TCF7L2: variants seen among roughly 807,000 people sequenced by gnomAD.
TCF7L2 encodes transcription factor 7 like 2.
TCF7L2 carries 23 observed loss-of-function variants against 77.9 expected under a neutral mutation model. That is an observed-to-expected ratio of 0.30 (90% CI 0.21 to 0.42). The LOEUF (loss-of-function observed/expected upper bound fraction) is 0.42, where lower values mean the gene tolerates loss of function less well. TCF7L2 is among the 10% of genes least tolerant of loss of function. The pLI, the probability that TCF7L2 is intolerant of heterozygous loss-of-function variation, is 1.00. For missense variants in TCF7L2, 654 were observed against 793.1 expected, an observed-to-expected ratio of 0.82 and a Z score of 2.11; for synonymous variants, 413 against 340.2, an observed-to-expected ratio of 1.21 and a Z score of -2.36.
intron 4 of TCF7L2, among the ~76,000 whole-genome samples, chr10:112,972,958 A>T (rs2038602441): frequency 6.6e-6 from 1 of 152,198 alleles, no homozygotes; most frequent in African/African-American, 2.4e-5. Context: ...ACATAGGCTT[A>T]TGGTAACTAT....
intron 5 of TCF7L2, among the ~76,000 whole-genome samples, chr10:113,098,661 G>A (rs779482843): frequency 1.6e-4 from 25 of 151,914 alleles, no homozygotes; most frequent in African/African-American, 5.1e-4. Context: ...AGCTGAGATC[G>A]CGCCACTGCA....
rs142991406 is a variant in TCF7L2, at chr10:113,031,052, A to G, written c.451-8973A>G. 3.0e-3 allele frequency among the ~76,000 whole-genome samples: 455 copies of G among 152,296 alleles called. 5 individuals are homozygous for G. The highest frequency in any genetic ancestry group is 0.017 in the Middle Eastern group (5 of 294). Reference sequence around the variant, plus strand: ...GGCACCCATTGGCCATTCTGCCCGTAAGCTCAGTAGGGTGTAGGCAAAAGA... The same window carrying G: ...GGCACCCATTGGCCATTCTGCCCGTGAGCTCAGTAGGGTGTAGGCAAAAGA... On this transcript the variant is annotated intron_variant, in intron 4 of 13. Coordinates refer to ENST00000627217, the MANE Select transcript of TCF7L2 (RefSeq NM_001146274.2).
At chr10:112,964,751 GTGGTGGTGA>G (rs1328189389) in intron 4 of TCF7L2, 127 bp downstream of exon 4, 18 of 873,108 alleles carry the variant, frequency 2.1e-5, no homozygotes, top group African/African-American at 5.7e-5. Context: ...GGTGGTGGTG[GTGGTGGTGA>G]TGGTGGTGGT....
intron 7 of TCF7L2, among the ~76,000 whole-genome samples, 200 bp downstream of exon 7, chr10:113,144,225 G>A (rs188695269): frequency 1.3e-5 from 2 of 151,836 alleles, no homozygotes; most frequent in East Asian, 3.9e-4. Context: ...GGGAATACAG[G>A]CAAATCCACA....
At chr10:113,131,775 T>C (rs1262783107) in intron 5 of TCF7L2, among the ~76,000 whole-genome samples, 1 of 152,218 alleles carries the variant, frequency 6.6e-6, no homozygotes, top group Non-Finnish European at 1.5e-5. Context: ...CTGGCTGAGC[T>C]GTGTAATAGA....
intron 4 of TCF7L2, among the ~76,000 whole-genome samples, chr10:112,975,287 A>T (rs2039179880): frequency 6.6e-6 from 1 of 152,132 alleles, no homozygotes; most frequent in Non-Finnish European, 1.5e-5. Flanking sequence ...TGGTTATACC[A>T]CATTCCACCC....
chr10:113,166,094 C>T lies in TCF7L2; in HGVS notation c.*122C>T. ...CTCTTAATTTTGTGCCATGTGGCTA[C>T]ATTAGTTGATGTTTATCGAGTTCAT... On this transcript the variant is annotated 3_prime_UTR_variant, in exon 14 of 14. Transcript: ENST00000627217. 1.1e-6 allele frequency: 1 copy of T among 870,954 alleles called. No individual in the cohort carries two copies. The highest frequency in any genetic ancestry group is 1.8e-5 in the African/African-American group (1 of 55,972). 54.0% of individuals were successfully genotyped at this position (870,954 alleles called of 1,614,324 possible). A position where few individuals can be genotyped will look rare whatever the true frequency, so the allele number is the denominator to read the frequency against.
At chr10:113,097,005 C>T (rs917128676) in intron 5 of TCF7L2, among the ~76,000 whole-genome samples, 1 of 152,064 alleles carries the variant, frequency 6.6e-6, no homozygotes, top group Non-Finnish European at 1.5e-5. Context: ...GCCTGAGCCC[C>T]GCGTCACCAT....
chr10:113,080,557 G>T lies in TCF7L2; in HGVS notation c.552+40431G>T, dbSNP rs1460273192. 3.3e-5 allele frequency among the ~76,000 whole-genome samples: 5 copies of T among 152,172 alleles called. No individual in the cohort carries two copies. The East Asian group carries it at 9.6e-4, about 29-fold the overall frequency. On this transcript the variant is annotated intron_variant, in intron 5 of 13. Coordinates refer to ENST00000627217, the MANE Select transcript of TCF7L2 (RefSeq NM_001146274.2). ...AACAAGGTGGTGTCAAGTTGATCCT[G>T]CCTGTGGGAATGCATTGTTCTTGAA...
intron 5 of TCF7L2, among the ~76,000 whole-genome samples, chr10:113,090,819 A>G (rs1233007146): frequency 6.6e-6 from 1 of 152,140 alleles, no homozygotes; most frequent in Non-Finnish European, 1.5e-5. Flanking sequence ...CCTGTTAGCC[A>G]GGATGGTCTC....
At chr10:113,148,182 A>G (rs2069913676) in intron 8 of TCF7L2, among the ~76,000 whole-genome samples, 1 of 152,176 alleles carries the variant, frequency 6.6e-6, no homozygotes, top group African/African-American at 2.4e-5. Context: ...TAGATTGGCA[A>G]TTAAACAGCT....
intron 5 of TCF7L2, chr10:113,129,610 A>G: frequency 1.7e-6 from 2 of 1,146,708 alleles, no homozygotes; most frequent in Non-Finnish European, 2.2e-6. Flanking sequence ...AGGATTAACA[A>G]GATAATTCTA....
At chr10:113,001,350 CTT>C (rs2044440352) in intron 4 of TCF7L2, among the ~76,000 whole-genome samples, 1 of 152,134 alleles carries the variant, frequency 6.6e-6, no homozygotes, top group Non-Finnish European at 1.5e-5. Context: ...TTAATAGAAA[CTT>C]TGAAATAAGA....
intron 5 of TCF7L2, among the ~76,000 whole-genome samples, chr10:113,056,025 T>G (rs922919836): frequency 6.6e-6 from 1 of 152,252 alleles, no homozygotes; most frequent in African/African-American, 2.4e-5. Flanking sequence ...AATTGTGGAC[T>G]GGACCTATAT....
At chr10:113,080,828 G>A (rs1359394689) in intron 5 of TCF7L2, among the ~76,000 whole-genome samples, 2 of 152,158 alleles carry the variant, frequency 1.3e-5, no homozygotes, top group South Asian at 2.1e-4. Flanking sequence ...TCTGGAGTTT[G>A]ATGTTGTCAG....
chr10:113,033,015 T>C lies in TCF7L2; in HGVS notation c.451-7010T>C, dbSNP rs1025282676. Among the ~76,000 whole-genome samples the C allele has an allele frequency of 5.3e-5, 8 of 152,276 alleles. 1 individual carries two copies. The South Asian group carries it at 8.3e-4, about 16-fold the overall frequency. ...CAGATGCCTTGATATCCTACCTTTTTCCCCCTATATTCCTTTTATGTGAGA... is the reference window on the plus strand; with the variant it reads ...CAGATGCCTTGATATCCTACCTTTTCCCCCCTATATTCCTTTTATGTGAGA... On this transcript the variant is annotated intron_variant, in intron 4 of 13. Transcript: ENST00000627217.
At chr10:113,142,239 C>T (rs1443968398) in intron 6 of TCF7L2, among the ~76,000 whole-genome samples, 2 of 152,186 alleles carry the variant, frequency 1.3e-5, no homozygotes, top group African/African-American at 4.8e-5. Flanking sequence ...TCCTGACCAC[C>T]TCGGCCTCCC....
chr10:113,160,756 G>A (rs1055066280), intron 13 of TCF7L2: 17 of 1,455,366 alleles, frequency 1.2e-5, no homozygotes, highest in Non-Finnish European at 1.4e-5. Flanking sequence ...ACCTTAGCGT[G>A]ATAATTTATT....
In TCF7L2 at chr10:113,151,007, C is replaced by G. The variant is rs972757506; in HGVS notation, c.885C>G (p.Pro295=). 4.3e-6 allele frequency: 7 copies of G among 1,613,914 alleles called. No homozygotes were observed. The Admixed American group carries it at 1.0e-4, about 23-fold the overall frequency. Residue 295 remains proline (P), a synonymous_variant, in exon 9 of 14, where the codon CCC becomes CCG. Transcript: ENST00000627217. The surrounding 1 kb of genome is among the most constrained non-coding windows in gnomAD (Gnocchi z 5.2). ...GCTTTCTGTCTTCTAGGTTCCCTCC[C>G]CATATGGTCCCACCACATCATACGC... is the stretch of plus-strand genomic sequence containing the variant.
Sources: gnomAD v4.1 joint callset for allele counts (sites outside exome capture counted in the v4.1 genomes callset) on GRCh38, gnomAD v4.1.1 for gene constraint, Gnocchi (gnomAD v3.1) non-coding constraint, MANE v1.5 for transcripts, NCBI Gene and HGNC (gene_info 2026-07-23, HGNC 2026-07-21) for gene names.